Variants in CASZ1 observed in about 807,000 individuals in gnomAD.
CASZ1 encodes zinc finger protein castor homolog 1.
In CASZ1, 28 loss-of-function variants were observed where a neutral mutation model predicts 135.2. The ratio of observed to expected loss-of-function variants is 0.21; its 90% CI spans 0.15 to 0.28. The LOEUF (loss-of-function observed/expected upper bound fraction) is 0.28, where lower values mean the gene tolerates loss of function less well. Ranked by LOEUF, CASZ1 falls within the 10% of genes least tolerant of loss-of-function variation. The pLI is 1.00. For synonymous variants in CASZ1, 1,068 were observed against 1,073.4 expected (o/e 0.99, Z 0.10); for missense variants, 2,161 against 2,453.3 (o/e 0.88, Z 2.52).
chr1:10,641,563 G>A (rs752222308), intron 20 of CASZ1, among the ~76,000 whole-genome samples: 6 of 152,320 alleles, frequency 3.9e-5, no homozygotes, highest in Admixed American at 2.6e-4. Flanking sequence ...AGCTTTGGGC[G>A]TGGCCCGGGG....
At position 10,697,944 on chromosome 1, in the gene CASZ1, C is replaced by T. The variant is rs1638974997; in HGVS notation, c.-23-4032G>A. Among the ~76,000 whole-genome samples the T allele has an allele frequency of 2.6e-5, 4 of 152,288 alleles. No individual in the cohort carries two copies. The highest frequency in any genetic ancestry group is 1.3e-4 in the Admixed American group (2 of 15,300). ...GGGTGTCGGGAAAGCTGTGAGCCAG[C>T]GAAGTGGACGGGAAGCATGGGGGCC... On this transcript the variant is annotated intron_variant, in intron 3 of 20. Coordinates refer to ENST00000377022, the MANE Select transcript of CASZ1 (RefSeq NM_001079843.3). The surrounding 1 kb of genome is among the most constrained non-coding windows in gnomAD (Gnocchi z 4.7).
intron 11 of CASZ1, 95 bp downstream of exon 11, chr1:10,653,282 C>G: frequency 2.4e-6 from 3 of 1,264,984 alleles, no homozygotes; most frequent in Non-Finnish European, 3.4e-6. Flanking sequence ...GACACTTCTT[C>G]CAAACACCCC....
chr1:10,743,369 A>T (rs995575648), intron 2 of CASZ1, among the ~76,000 whole-genome samples: 13 of 151,096 alleles, frequency 8.6e-5, no homozygotes, highest in Non-Finnish European at 1.8e-4. Context: ...ATCTCCAAGT[A>T]CCCCCACTCA....
intron 4 of CASZ1, among the ~76,000 whole-genome samples, chr1:10,690,302 T>C (rs1032293383): frequency 2.6e-5 from 4 of 152,142 alleles, no homozygotes; most frequent in Non-Finnish European, 4.4e-5. Flanking sequence ...CTGAAGGTGG[T>C]TGACACTCAG....
chr1:10,793,205 C>G (rs1427989928), intron 1 of CASZ1, among the ~76,000 whole-genome samples: 1 of 141,722 alleles, frequency 7.1e-6, no homozygotes, highest in Non-Finnish European at 1.5e-5. Flanking sequence ...AAAGATTGGA[C>G]TCTTTGATCT....
chr1:10,786,008 C>G lies in CASZ1; in HGVS notation c.-234+10556G>C, dbSNP rs145482447. On this transcript the variant is annotated intron_variant, in intron 1 of 20. Coordinates refer to ENST00000377022, the MANE Select transcript of CASZ1 (RefSeq NM_001079843.3). ...TGGAGGAAACACAATTCGCCTTCAG[C>G]TCAGCCTGGCTCCTGATCCCACGCG... Among the ~76,000 whole-genome samples the G allele has an allele frequency of 2.0e-5, 3 of 152,362 alleles. No individual in the cohort carries two copies. The East Asian group carries it at 5.8e-4, about 29-fold the overall frequency.
intron 2 of CASZ1, among the ~76,000 whole-genome samples, chr1:10,754,254 G>A (rs978735026): frequency 2.6e-5 from 4 of 152,094 alleles, no homozygotes; most frequent in African/African-American, 7.2e-5. Context: ...TCCTTCCCAC[G>A]CATCGCCATC....
chr1:10,783,914 G>T (rs1640809469), intron 1 of CASZ1, among the ~76,000 whole-genome samples: 1 of 139,132 alleles, frequency 7.2e-6, no homozygotes, highest in South Asian at 2.4e-4. Flanking sequence ...TAATCATCAA[G>T]ATAACAATGG....
Position 10,639,743 on chromosome 1 carries a change from C to G in CASZ1, c.4479G>C (p.Lys1493Asn), listed in dbSNP as rs1642135518. The change falls in exon 21 of 21, where the codon AAG becomes AAC. Residue 1493 changes from lysine to asparagine, a missense_variant. Transcript: ENST00000377022. This position sits in a 1 kb window ranked among gnomAD's most constrained non-coding sequence, Gnocchi z 4.0. ...RVDNLVLDDF[K>N]RFKASLSCHF... Reference sequence around the variant, plus strand: ...GGCAGCTGAGTGAGGCCTTGAAGCGCTTGAAGTCGTCCAGCACCAGGTTGT... The same window carrying G: ...GGCAGCTGAGTGAGGCCTTGAAGCGGTTGAAGTCGTCCAGCACCAGGTTGT... 8.8e-6 allele frequency: 14 copies of G among 1,594,348 alleles called. No individual in the cohort carries two copies. Among genetic ancestry groups the G allele is most frequent in the Non-Finnish European group, 1.2e-5 (14 of 1,171,290 alleles).
intron 19 of CASZ1, 36 bp from the exon 20 acceptor site, chr1:10,643,036 T>C: frequency 6.2e-7 from 1 of 1,605,202 alleles, no homozygotes; most frequent in Non-Finnish European, 8.5e-7. Context: ...GAAGTGGGGC[T>C]GTGGGGTATG....
chr1:10,710,883 C>A (rs1053667909), intron 2 of CASZ1, among the ~76,000 whole-genome samples: 12 of 152,266 alleles, frequency 7.9e-5, no homozygotes, highest in African/African-American at 2.9e-4. Flanking sequence ...GTAATCCCAG[C>A]ACTTTGGGAG....
chr1:10,694,150 T>C lies in CASZ1; in HGVS notation c.-23-238A>G. 1 of 334,544 alleles carries C rather than the reference T, an allele frequency of 3.0e-6. No individual in the cohort carries two copies. The highest frequency in any genetic ancestry group is 4.9e-6 in the Non-Finnish European group (1 of 205,596). 20.7% of individuals were successfully genotyped at this position (334,544 alleles called of 1,614,324 possible). ...GTTTCTCCAACTAAGGCAGCAACTCTCGGCCGGCGCGGCCCCGGCTTGGGG... is the reference window on the plus strand; with the variant it reads ...GTTTCTCCAACTAAGGCAGCAACTCCCGGCCGGCGCGGCCCCGGCTTGGGG... On this transcript the variant is annotated intron_variant, in intron 3 of 20. Coordinates refer to ENST00000377022, the MANE Select transcript of CASZ1 (RefSeq NM_001079843.3). This position sits in a 1 kb window ranked among gnomAD's most constrained non-coding sequence, Gnocchi z 6.6.
intron 4 of CASZ1, 54 bp downstream of exon 4, chr1:10,693,820 A>G: frequency 6.4e-7 from 1 of 1,571,794 alleles, no homozygotes; most frequent in Non-Finnish European, 8.8e-7. Context: ...AACTTCCGTA[A>G]AAGAAGCGAA....
chr1:10,690,337 T>A (rs184022), intron 4 of CASZ1, among the ~76,000 whole-genome samples: 11,394 of 152,218 alleles, frequency 0.075, 1,432 homozygotes, highest in African/African-American at 0.26. Flanking sequence ...CAGCACACAC[T>A]GGGGCTGGGT....
rs77796677 is a variant in CASZ1 at position 10,725,717 on chromosome 1, C to CTT, written c.-76-20175_-76-20174dup. ...GGTGGAAGCCAGGTTCTGGAAAGCC[C>CTT]TTTTTTTTTTTTTACTAGGAGACCC... is the stretch of plus-strand genomic sequence containing the variant. On this transcript the variant is annotated intron_variant, in intron 2 of 20. Transcript: ENST00000377022. The surrounding 1 kb of genome is among the most constrained non-coding windows in gnomAD (Gnocchi z 4.4). Among the ~76,000 whole-genome samples the CTT allele has an allele frequency of 5.6e-5, 8 of 144,102 alleles. No homozygotes were observed. The highest frequency in any genetic ancestry group is 2.0e-4 in the East Asian group (1 of 4,988). The allele number at this position is 144,102 out of a possible 152,430, so 94.5% of individuals were successfully genotyped here. A position where few individuals can be genotyped will look rare whatever the true frequency, so the allele number is the denominator to read the frequency against.
rs2100497474 is a variant in CASZ1 at position 10,726,615 on chromosome 1, C to G, written c.-76-21071G>C. Among the ~76,000 whole-genome samples, 1 of 152,362 alleles carries G rather than the reference C, an allele frequency of 6.6e-6. No individual in the cohort carries two copies. On this transcript the variant is annotated intron_variant, in intron 2 of 20. Transcript: ENST00000377022. This position sits in a 1 kb window ranked among gnomAD's most constrained non-coding sequence, Gnocchi z 5.7. ...AGCCCTCGCCAGCGTCTTTACTAGG[C>G]CCTGGCGCTGTGCGGCCCCTGCCTG...
chr1:10,672,865 G>A (rs747852754), intron 4 of CASZ1, among the ~76,000 whole-genome samples: 13 of 152,230 alleles, frequency 8.5e-5, no homozygotes, highest in Admixed American at 6.5e-5. Flanking sequence ...CGGCGGCTCC[G>A]TTCCACGTCC....
At chr1:10,716,793 G>C (rs1162577849) in intron 2 of CASZ1, among the ~76,000 whole-genome samples, 2 of 152,232 alleles carry the variant, frequency 1.3e-5, no homozygotes, top group African/African-American at 4.8e-5. Flanking sequence ...CCTGGGCTGA[G>C]ACCCGGCCCT....
intron 18 of CASZ1, among the ~76,000 whole-genome samples, chr1:10,644,164 G>A (rs1296900684): frequency 6.6e-6 from 1 of 152,090 alleles, no homozygotes. Flanking sequence ...CTGCAGCCCA[G>A]GGGCCTCTGC....
Sources: gnomAD v4.1 joint callset for allele counts (sites outside exome capture counted in the v4.1 genomes callset) on GRCh38, gnomAD v4.1.1 for gene constraint, Gnocchi (gnomAD v3.1) non-coding constraint, MANE v1.5 for transcripts, NCBI Gene and HGNC (gene_info 2026-07-23, HGNC 2026-07-21) for gene names.